SEMA6D: variants seen among roughly 807,000 people sequenced by gnomAD.
SEMA6D encodes the protein semaphorin-6D.
Under a neutral mutation model 106.6 loss-of-function variants are expected in SEMA6D, and 35 were observed. The observed-to-expected ratio is 0.33, with a 90% CI of 0.25 to 0.44. The LOEUF (loss-of-function observed/expected upper bound fraction) is 0.44, where lower values mean the gene tolerates loss of function less well. SEMA6D is among the 20% of genes least tolerant of loss of function. SEMA6D has a pLI of 1.00. For missense variants in SEMA6D, 1,185 were observed against 1,345.9 expected, an observed-to-expected ratio of 0.88 and a Z score of 1.87; for synonymous variants, 499 against 487.7, an observed-to-expected ratio of 1.02 and a Z score of -0.31.
chr15:47,397,883 G>C (rs1465076348), intron 1 of SEMA6D: 2 of 152,052 alleles, frequency 1.3e-5, no homozygotes, highest in East Asian at 3.9e-4. Context: ...TTCCATTGCT[G>C]TTTTTTCATT....
At chr15:47,400,454 T>C (rs1595907329) in intron 1 of SEMA6D, among the ~76,000 whole-genome samples, 2 of 137,040 alleles carry the variant, frequency 1.5e-5, no homozygotes, top group Non-Finnish European at 1.5e-5. Flanking sequence ...ATGCCACTGC[T>C]CTCCAGCCTG....
intron 2 of SEMA6D, among the ~76,000 whole-genome samples, chr15:47,418,210 G>A (rs1314348972): frequency 6.6e-6 from 1 of 152,078 alleles, no homozygotes; most frequent in East Asian, 1.9e-4. Flanking sequence ...GATTGTTCTA[G>A]GCAGAGAGAA....
intron 1 of SEMA6D, among the ~76,000 whole-genome samples, chr15:47,248,400 AC>A (rs1379812453): frequency 3.9e-5 from 6 of 152,182 alleles, no homozygotes; most frequent in Non-Finnish European, 8.8e-5. Flanking sequence ...ATTAGGGAAA[AC>A]CCAGCATTCA....
At chr15:47,506,587 TACACACACACAAACACAC>T (rs1369514446) in intron 3 of SEMA6D, among the ~76,000 whole-genome samples, 1 of 94,378 alleles carries the variant, frequency 1.1e-5, no homozygotes, top group Non-Finnish European at 2.0e-5. Context: ...CATGGGCATT[TACACACACACAAACACAC>T]ACACACACAC....
At chr15:47,614,126 T>C (rs2076962892) in intron 4 of SEMA6D, among the ~76,000 whole-genome samples, 1 of 152,026 alleles carries the variant, frequency 6.6e-6, no homozygotes. Context: ...TACAGAAATC[T>C]AAATAAAATA....
intron 4 of SEMA6D, among the ~76,000 whole-genome samples, chr15:47,648,866 T>C (rs1388224973): frequency 1.3e-5 from 2 of 152,240 alleles, no homozygotes; most frequent in Non-Finnish European, 2.9e-5. Flanking sequence ...CTCTTGTTTA[T>C]ATCAATTAGC....
At chr15:47,746,129 G>T (rs1395637714) in intron 1 of SEMA6D, among the ~76,000 whole-genome samples, 1 of 152,144 alleles carries the variant, frequency 6.6e-6, no homozygotes, top group Non-Finnish European at 1.5e-5. Flanking sequence ...AAAACCAAAG[G>T]ACTTGGGACT....
intron 2 of SEMA6D, among the ~76,000 whole-genome samples, chr15:47,413,320 G>A (rs188528853): frequency 6.6e-6 from 1 of 152,114 alleles, no homozygotes; most frequent in African/African-American, 2.4e-5. Flanking sequence ...AGATCATCTA[G>A]GCCTCGGTGG....
intron 1 of SEMA6D, among the ~76,000 whole-genome samples, chr15:47,211,095 T>A (rs1458031191): frequency 6.6e-6 from 1 of 152,120 alleles, no homozygotes; most frequent in Non-Finnish European, 1.5e-5. Context: ...CTACTAACAG[T>A]TTTGTGTGTG....
rs1023518956 is a variant in SEMA6D, at chr15:47,556,237, G to A, written c.-86-44628G>A. ...CAAAATGGAAGAAGAAAATTATCCC[G>A]CAATCCCACCCCACCAACAAATTAT... On this transcript the variant is annotated intron_variant, in intron 3 of 19. Transcript: ENST00000558014. Among the ~76,000 whole-genome samples the A allele has an allele frequency of 5.9e-5, 9 of 151,934 alleles. 1 individual carries two copies. The highest frequency in any genetic ancestry group is 1.3e-4 in the Non-Finnish European group (9 of 67,974).
At chr15:47,569,925 G>A (rs2046334251) in intron 3 of SEMA6D, among the ~76,000 whole-genome samples, 1 of 151,930 alleles carries the variant, frequency 6.6e-6, no homozygotes, top group Non-Finnish European at 1.5e-5. Context: ...GACGGGCGTG[G>A]TGGTGGGTGC....
At chr15:47,751,769 T>C (rs1195099695) in intron 1 of SEMA6D, among the ~76,000 whole-genome samples, 1 of 152,238 alleles carries the variant, frequency 6.6e-6, no homozygotes, top group Admixed American at 6.5e-5. Context: ...TGGTTCATTC[T>C]TCTGCTTATT....
At chr15:47,277,595 TTA>T (rs925243827) in intron 1 of SEMA6D, among the ~76,000 whole-genome samples, 1 of 7,156 alleles carries the variant, frequency 1.4e-4, no homozygotes, top group East Asian at 1.4e-3. Flanking sequence ...ATTATTATTA[TTA>T]TTATTATTAT....
chr15:47,416,885 A>C (rs549587898), intron 2 of SEMA6D, among the ~76,000 whole-genome samples: 34 of 152,262 alleles, frequency 2.2e-4, no homozygotes, highest in African/African-American at 7.9e-4. Flanking sequence ...TAACAATAGG[A>C]ACCCGAGAAC....
At chr15:47,640,177 A>T (rs764194031) in intron 4 of SEMA6D, among the ~76,000 whole-genome samples, 7 of 152,200 alleles carry the variant, frequency 4.6e-5, no homozygotes, top group African/African-American at 7.2e-5. Context: ...AAAAGCACAT[A>T]TAATTTTTTG....
chr15:47,331,494 G>A (rs2037337670), intron 1 of SEMA6D, among the ~76,000 whole-genome samples: 1 of 152,104 alleles, frequency 6.6e-6, no homozygotes, highest in Admixed American at 6.6e-5. Context: ...AATGTTAACA[G>A]TATATCTTGG....
At chr15:47,368,480 A>T (rs182402741) in intron 1 of SEMA6D, among the ~76,000 whole-genome samples, 12,257 of 149,058 alleles carry the variant, frequency 0.082, 683 homozygotes, top group Admixed American at 0.11. Flanking sequence ...TTATTTATTT[A>T]TTTTTTTTGA....
chr15:47,275,350 C>T lies in SEMA6D; in HGVS notation c.-239+90932C>T, dbSNP rs2034754481. Among the ~76,000 whole-genome samples the T allele has an allele frequency of 2.0e-5, 3 of 152,108 alleles. No homozygotes were observed. The South Asian group carries it at 6.2e-4, about 32-fold the overall frequency. On this transcript the variant is annotated intron_variant, in intron 1 of 19. Transcript: ENST00000558014. ...AGTATAAGGATACCTTATCTTACTG[C>T]ACTCACTTTATTGCACTTTGCAGAT...
chr15:47,389,371 G>A (rs1229066212), intron 1 of SEMA6D, among the ~76,000 whole-genome samples: 3 of 152,010 alleles, frequency 2.0e-5, no homozygotes, highest in Admixed American at 1.3e-4. Context: ...CTTTGTGAAG[G>A]TATTTCTTCC....
Sources: gnomAD v4.1 joint callset for allele counts (sites outside exome capture counted in the v4.1 genomes callset) on GRCh38, gnomAD v4.1.1 for gene constraint, MANE v1.5 for transcripts, NCBI Gene and HGNC (gene_info 2026-07-23, HGNC 2026-07-21) for gene names.